The following ZNF385D variants were observed in gnomAD, a reference collection of about 807,000 sequenced individuals.
The protein encoded by ZNF385D is zinc finger protein 385D, also known as zinc finger protein 659.
ZNF385D carries 15 observed loss-of-function variants against 35.8 expected under a neutral mutation model. That is an observed-to-expected ratio of 0.42 (90% CI 0.28 to 0.64). ZNF385D has a LOEUF of 0.64. Among genes scored for constraint, ZNF385D ranks in the 30% least tolerant of loss-of-function variants. The pLI is 0.23. For missense variants in ZNF385D, 474 were observed against 494.6 expected, an observed-to-expected ratio of 0.96 and a Z score of 0.39; for synonymous variants, 212 against 186.8, an observed-to-expected ratio of 1.13 and a Z score of -1.10.
At chr3:21,675,988 C>T (rs34563144) in intron 1 of ZNF385D, among the ~76,000 whole-genome samples, 24,148 of 151,906 alleles carry the variant, frequency 0.16, 2,100 homozygotes, top group East Asian at 0.22. Flanking sequence ...TTTCACTCAA[C>T]GTTCCGTTGT....
At chr3:21,768,444 A>C (rs1232085435) in intron 3 of ZNF385D, among the ~76,000 whole-genome samples, 1 of 151,998 alleles carries the variant, frequency 6.6e-6, no homozygotes, top group African/African-American at 2.4e-5. Context: ...TCTGTTTGAT[A>C]TAACTCTTTT....
At chr3:21,507,643 C>T (rs1706882675) in intron 4 of ZNF385D, among the ~76,000 whole-genome samples, 1 of 152,046 alleles carries the variant, frequency 6.6e-6, no homozygotes, top group South Asian at 2.1e-4. Flanking sequence ...CTTATTTTGC[C>T]CAGTCCAGTC....
At chr3:21,874,986 GC>G (rs1238493203) in intron 3 of ZNF385D, among the ~76,000 whole-genome samples, 4 of 122,260 alleles carry the variant, frequency 3.3e-5, no homozygotes, top group Non-Finnish European at 5.4e-5. Flanking sequence ...TTATTTTGAT[GC>G]CTTTTTTTAT....
intron 7 of ZNF385D, among the ~76,000 whole-genome samples, 181 bp from the exon 8 acceptor site, chr3:21,421,628 G>A (rs1232976920): frequency 6.6e-6 from 1 of 152,160 alleles, no homozygotes; most frequent in Admixed American, 6.5e-5. Context: ...TGGAAGAGTT[G>A]GAAGATACCT....
chr3:21,688,919 A>C (rs2125336633), intron 1 of ZNF385D, among the ~76,000 whole-genome samples: 1 of 152,270 alleles, frequency 6.6e-6, no homozygotes, highest in Admixed American at 6.5e-5. Context: ...AACATACTAC[A>C]ATATATATGG....
At chr3:21,989,108 C>A (rs895647424) in intron 3 of ZNF385D, among the ~76,000 whole-genome samples, 1 of 152,128 alleles carries the variant, frequency 6.6e-6, no homozygotes, top group Non-Finnish European at 1.5e-5. Flanking sequence ...AGAAATCACC[C>A]GTCTTCTGCG....
chr3:22,194,453 A>G (rs1576476373), intron 2 of ZNF385D, among the ~76,000 whole-genome samples: 1 of 151,960 alleles, frequency 6.6e-6, no homozygotes, highest in South Asian at 2.1e-4. Context: ...AATTATACAG[A>G]GAAGATTTGT....
intron 3 of ZNF385D, among the ~76,000 whole-genome samples, chr3:21,759,000 A>C (rs1016672398): frequency 5.3e-5 from 8 of 149,580 alleles, no homozygotes; most frequent in African/African-American, 7.4e-5. Flanking sequence ...AAAAAAAAAA[A>C]AAAAAACAGT....
intron 3 of ZNF385D, among the ~76,000 whole-genome samples, chr3:22,106,839 C>G (rs1330467337): frequency 6.6e-6 from 1 of 152,088 alleles, no homozygotes; most frequent in African/African-American, 2.4e-5. Flanking sequence ...GACTATCAAC[C>G]ACCACGATCC....
At chr3:21,724,041 AG>A (rs765297647) in intron 1 of ZNF385D, among the ~76,000 whole-genome samples, 43 of 152,284 alleles carry the variant, frequency 2.8e-4, no homozygotes, top group Non-Finnish European at 4.9e-4. Context: ...TTTCATATCC[AG>A]CCAAACTAAG....
chr3:21,704,977 T>C (rs898336117), intron 1 of ZNF385D, among the ~76,000 whole-genome samples: 17 of 152,314 alleles, frequency 1.1e-4, no homozygotes, highest in Admixed American at 4.6e-4. Flanking sequence ...GTAACCATGG[T>C]AAACTGCAGA....
chr3:22,222,171 T>G (rs1374568785), intron 2 of ZNF385D, among the ~76,000 whole-genome samples: 1 of 151,958 alleles, frequency 6.6e-6, no homozygotes, highest in African/African-American at 2.4e-5. Flanking sequence ...GAGATGGGGA[T>G]TCACCCTGTT....
At chr3:21,607,469 C>G (rs2064517031) in intron 2 of ZNF385D, among the ~76,000 whole-genome samples, 1 of 152,068 alleles carries the variant, frequency 6.6e-6, no homozygotes, top group South Asian at 2.1e-4. Context: ...TTGTATTTTT[C>G]TACTGCTCTA....
At chr3:22,214,965 T>G (rs1448471388) in intron 2 of ZNF385D, among the ~76,000 whole-genome samples, 1 of 151,990 alleles carries the variant, frequency 6.6e-6, no homozygotes, top group Admixed American at 6.6e-5. Flanking sequence ...ACTTGCTGGT[T>G]TTACGGCTCA....
intron 2 of ZNF385D, among the ~76,000 whole-genome samples, chr3:21,634,091 G>C (rs1289930325): frequency 6.6e-6 from 1 of 151,890 alleles, no homozygotes; most frequent in East Asian, 1.9e-4. Flanking sequence ...CAGCTACTAG[G>C]GAGGCTGAAG....
intron 2 of ZNF385D, among the ~76,000 whole-genome samples, chr3:22,267,296 A>G (rs916305784): frequency 6.6e-6 from 1 of 152,076 alleles, no homozygotes; most frequent in East Asian, 1.9e-4. Context: ...TTAAATTCAC[A>G]AATTCCTTCC....
intron 2 of ZNF385D, among the ~76,000 whole-genome samples, chr3:22,231,430 G>A (rs1192911803): frequency 1.3e-5 from 2 of 152,036 alleles, no homozygotes; most frequent in Admixed American, 1.3e-4. Context: ...GAGCTGCCTC[G>A]CTCAAGTTAG....
At chr3:22,119,492 C>T (rs578141229) in intron 3 of ZNF385D, among the ~76,000 whole-genome samples, 1 of 152,164 alleles carries the variant, frequency 6.6e-6, no homozygotes, top group East Asian at 1.9e-4. Flanking sequence ...TTCTTATCAC[C>T]TTTTATTGCT....
chr3:21,746,370 A>G (rs975520165), intron 1 of ZNF385D, among the ~76,000 whole-genome samples: 1 of 152,220 alleles, frequency 6.6e-6, no homozygotes, highest in East Asian at 1.9e-4. Context: ...TGGCATGTTG[A>G]TCAAATTTGG....
Sources: allele counts gnomAD v4.1 joint callset (sites outside exome capture counted in the v4.1 genomes callset), GRCh38; gene constraint gnomAD v4.1.1; transcripts MANE v1.5; gene names NCBI Gene and HGNC (gene_info 2026-07-23, HGNC 2026-07-21).